Variants in LRBA observed in about 807,000 individuals in gnomAD.
The protein encoded by LRBA is LPS responsive beige-like anchor protein.
LRBA carries 176 observed loss-of-function variants against 330.0 expected under a neutral mutation model. That is an observed-to-expected ratio of 0.53 (90% CI 0.47 to 0.60). The LOEUF (loss-of-function observed/expected upper bound fraction) is 0.60. Among genes scored for constraint, LRBA ranks in the 20% least tolerant of loss-of-function variants. The pLI, the probability that LRBA is intolerant of heterozygous loss-of-function variation, is 0.00. For synonymous variants in LRBA, 1,230 were observed against 1,193.0 expected (o/e 1.03, Z -0.64); for missense variants, 3,259 against 3,444.8 (o/e 0.95, Z 1.35).
chr4:150,477,368 T>C (rs778846716), intron 42 of LRBA, among the ~76,000 whole-genome samples: 1 of 152,088 alleles, frequency 6.6e-6, no homozygotes, highest in Non-Finnish European at 1.5e-5. Flanking sequence ...TGACTTATAG[T>C]TCCACATGGC....
intron 40 of LRBA, among the ~76,000 whole-genome samples, chr4:150,498,371 A>G (rs1759831470): frequency 6.6e-6 from 1 of 152,222 alleles, no homozygotes; most frequent in African/African-American, 2.4e-5. Context: ...AGCATTAAAT[A>G]TCAATCTTAA....
intron 50 of LRBA, among the ~76,000 whole-genome samples, chr4:150,319,226 G>A (rs1162761677): frequency 3.3e-5 from 5 of 152,122 alleles, no homozygotes; most frequent in Non-Finnish European, 7.4e-5. Flanking sequence ...TAAAGATGGG[G>A]GCAGAGTACA....
chr4:150,435,667 T>A lies in LRBA; in HGVS notation c.6963A>T (p.Lys2321Asn). 6.2e-7 allele frequency: 1 copy of A among 1,611,970 alleles called. No homozygotes were observed. Among genetic ancestry groups the A allele is most frequent in the Admixed American group, 1.7e-5 (1 of 59,592 alleles). ...AAAAAGTTCGATCTGCATGATCAAA[T>A]TTGCCTCCTTGCAAATTTAGGAAAT... ...TTYFLNLQGG[K>N]FDHADRTFSS... The change falls in exon 46 of 57, where the codon AAA becomes AAT. Residue 2321 changes from lysine (K) to asparagine (N), a missense_variant. Lys to Asn is a moderately conservative substitution (Grantham distance 94). Coordinates refer to ENST00000651943, the MANE Select transcript of LRBA (RefSeq NM_001364905.1).
chr4:150,593,943 A>G (rs966397438), intron 38 of LRBA, among the ~76,000 whole-genome samples: 1 of 152,176 alleles, frequency 6.6e-6, no homozygotes, highest in Non-Finnish European at 1.5e-5. Flanking sequence ...TCCAATTGCA[A>G]TTAAAAAATT....
At chr4:150,894,289 C>T (rs993425141) in intron 16 of LRBA, among the ~76,000 whole-genome samples, 1 of 152,106 alleles carries the variant, frequency 6.6e-6, no homozygotes, top group African/African-American at 2.4e-5. Flanking sequence ...TCTAAAAGAA[C>T]ACTTTGTGGG....
chr4:150,431,916 G>C (rs918866459), intron 46 of LRBA, among the ~76,000 whole-genome samples: 6 of 151,840 alleles, frequency 4.0e-5, no homozygotes, highest in African/African-American at 1.5e-4. Flanking sequence ...ATAAAAGATT[G>C]CTTTAGTGTA....
At position 150,723,856 on chromosome 4, in the gene LRBA, G is replaced by C. The variant is rs572508979; in HGVS notation, c.5754+11402C>G. Among the ~76,000 whole-genome samples, 6 of 152,260 alleles carry C rather than the reference G, an allele frequency of 3.9e-5. 1 individual carries two copies. In the South Asian group the frequency reaches 1.2e-3, roughly 32 times the overall value. On this transcript the variant is annotated intron_variant, in intron 36 of 56. Coordinates refer to ENST00000651943, the MANE Select transcript of LRBA (RefSeq NM_001364905.1). Reference sequence around the variant, plus strand: ...GACCTAAAGAGCGAGTCTCAGGCCTGGCAGCATTCATCACAAGCTGACAGA... The same window carrying C: ...GACCTAAAGAGCGAGTCTCAGGCCTCGCAGCATTCATCACAAGCTGACAGA...
chr4:150,274,027 C>T (rs1388100021), intron 56 of LRBA, among the ~76,000 whole-genome samples: 2 of 152,196 alleles, frequency 1.3e-5, no homozygotes, highest in African/African-American at 4.8e-5. Context: ...CACCACACTG[C>T]ACTTATTCTA....
chr4:150,545,071 T>C (rs1407506397), intron 40 of LRBA, among the ~76,000 whole-genome samples: 2 of 152,168 alleles, frequency 1.3e-5, no homozygotes, highest in African/African-American at 4.8e-5. Context: ...TATTAATGCT[T>C]GTCCCACAAA....
chr4:150,448,129 T>C (rs957805173), intron 44 of LRBA, among the ~76,000 whole-genome samples: 1 of 152,292 alleles, frequency 6.6e-6, no homozygotes, highest in Admixed American at 6.5e-5. Flanking sequence ...GCAGGAAATA[T>C]ACAAAATAGC....
chr4:150,691,060 G>A (rs1365840531), intron 36 of LRBA, among the ~76,000 whole-genome samples: 1 of 151,352 alleles, frequency 6.6e-6, no homozygotes, highest in East Asian at 2.0e-4. Flanking sequence ...CTCCCGAGTA[G>A]CTAGGACCAC....
intron 37 of LRBA, among the ~76,000 whole-genome samples, chr4:150,665,736 C>A (rs1781502713): frequency 6.6e-6 from 1 of 152,130 alleles, no homozygotes. Flanking sequence ...TAATTTGTTC[C>A]TTTTTATTGC....
At chr4:150,820,708 C>T (rs1362626091) in intron 30 of LRBA, among the ~76,000 whole-genome samples, 2 of 152,004 alleles carry the variant, frequency 1.3e-5, no homozygotes, top group Non-Finnish European at 1.5e-5. Flanking sequence ...TAAAAGGACA[C>T]TAAGCAGTAG....
At chr4:150,660,399 G>C (rs2126818301) in intron 37 of LRBA, among the ~76,000 whole-genome samples, 1 of 140,124 alleles carries the variant, frequency 7.1e-6, no homozygotes, top group African/African-American at 2.6e-5. Context: ...CGGGAGGTGA[G>C]GGGCGCCTCT....
rs76779029 is a variant in LRBA at position 150,915,848 on chromosome 4, C to T, written c.895-121G>A. On this transcript the variant is annotated intron_variant, in intron 7 of 56. Coordinates refer to ENST00000651943, the MANE Select transcript of LRBA (RefSeq NM_001364905.1). ...TCAACCTAAAAATAAAACAAGACTA[C>T]CTTTGTTAAATTCAATATTTACTTT... 4,000 of 637,600 alleles carry T rather than the reference C, an allele frequency of 6.3e-3. 27 individuals carry two copies. Among genetic ancestry groups the T allele is most frequent in the Admixed American group, 8.9e-3 (227 of 25,562 alleles). 39.5% of individuals were successfully genotyped at this position (637,600 alleles called of 1,614,324 possible).
rs1733225761 is a variant in LRBA at position 150,921,247 on chromosome 4, T to C, written c.596A>G (p.Gln199Arg). The change falls in exon 5 of 57, where the codon CAG becomes CGG. Residue 199 changes from glutamine to arginine, a missense_variant. Coordinates refer to ENST00000651943, the MANE Select transcript of LRBA (RefSeq NM_001364905.1). ...AAAAAAGGCATCAGGACCATACTTCTGAGGCATATGCTTTAACACAGACAG... is the reference window on the plus strand; with the variant it reads ...AAAAAAGGCATCAGGACCATACTTCCGAGGCATATGCTTTAACACAGACAG... ...KLLSVLKHMP[Q>R]KYGPDAFFNF... 1 of 1,613,556 alleles carries C rather than the reference T, an allele frequency of 6.2e-7. No individual in the cohort carries two copies. The highest frequency in any genetic ancestry group is 8.5e-7 in the Non-Finnish European group (1 of 1,179,612).
At chr4:150,720,261 A>C (rs144576634) in intron 36 of LRBA, among the ~76,000 whole-genome samples, 2 of 152,292 alleles carry the variant, frequency 1.3e-5, no homozygotes, top group Non-Finnish European at 2.9e-5. Context: ...TTAATACATA[A>C]ATTTAAAATA....
Position 150,325,944 on chromosome 4 carries a change from C to A in LRBA, c.7363-46G>T, listed in dbSNP as rs747690514. On this transcript the variant is annotated intron_variant, in intron 48 of 56. Transcript: ENST00000651943. ...TCTGAAGGTTAAGAGGTGCTAATTACAGGAAATAGAACCCCAACTGTCACC... is the reference window on the plus strand; with the variant it reads ...TCTGAAGGTTAAGAGGTGCTAATTAAAGGAAATAGAACCCCAACTGTCACC... 3 of 1,032,730 alleles carry A rather than the reference C, an allele frequency of 2.9e-6. No individual in the cohort carries two copies. The Middle Eastern group carries it at 6.2e-4, about 214-fold the overall frequency. 64.0% of individuals were successfully genotyped at this position (1,032,730 alleles called of 1,614,324 possible).
chr4:150,661,672 A>G (rs1479424463), intron 37 of LRBA, among the ~76,000 whole-genome samples: 3 of 152,026 alleles, frequency 2.0e-5, no homozygotes, highest in African/African-American at 4.8e-5. Flanking sequence ...GTGCAGTGGC[A>G]CAATCTCAGC....
Sources: allele counts gnomAD v4.1 joint callset (sites outside exome capture counted in the v4.1 genomes callset), GRCh38; gene constraint gnomAD v4.1.1; transcripts MANE v1.5; gene names NCBI Gene and HGNC (gene_info 2026-07-23, HGNC 2026-07-21).